DRC9: variants seen among roughly 807,000 people sequenced by gnomAD.
The protein encoded by DRC9 is dynein regulatory complex subunit 9, also known as dynein regulatory complex protein 9.
chr3:197,912,743 T>C, the DRC9 span: 2 of 1,613,366 alleles, frequency 1.2e-6, no homozygotes. Flanking sequence ...GTTTTCATCC[T>C]GAGTTTCTGT....
chr3:197,903,898 T>C, the DRC9 span, among the ~76,000 whole-genome samples: 1 of 151,382 alleles, frequency 6.6e-6, no homozygotes. Flanking sequence ...ATGCTTGAGC[T>C]CGGAGTTCAA....
chr3:197,900,185 C>T, the DRC9 span, among the ~76,000 whole-genome samples: 1 of 152,174 alleles, frequency 6.6e-6, no homozygotes, highest in Non-Finnish European at 1.5e-5. The surrounding 1 kb of genome is among the most constrained non-coding windows in gnomAD (Gnocchi z 4.7). Flanking sequence ...ACTTGAAAGG[C>T]GGTCTAGGCC....
At chr3:197,935,986 G>A in the DRC9 span, among the ~76,000 whole-genome samples, 3 of 151,906 alleles carry the variant, frequency 2.0e-5, no homozygotes, top group East Asian at 3.9e-4. Context: ...GGTGGCTCAC[G>A]TCTGTAATCC....
At chr3:197,930,714 G>A in the DRC9 span, among the ~76,000 whole-genome samples, 1 of 149,642 alleles carries the variant, frequency 6.7e-6, no homozygotes, top group South Asian at 2.1e-4. Flanking sequence ...TGGCCCGGGA[G>A]GCAGAGCGAG....
At chr3:197,930,966 G>A in the DRC9 span, among the ~76,000 whole-genome samples, 757 of 151,402 alleles carry the variant, frequency 5.0e-3, 8 homozygotes, top group African/African-American at 0.017. Context: ...CCCGGGAGGC[G>A]GAGGTTGCAG....
At chr3:197,936,602 A>G in the DRC9 span, among the ~76,000 whole-genome samples, 6 of 152,130 alleles carry the variant, frequency 3.9e-5, no homozygotes, top group Admixed American at 2.0e-4. Flanking sequence ...GGCTCAAGCA[A>G]TCCTCCCACC....
chr3:197,951,309 G>T, the DRC9 span: 15 of 1,613,894 alleles, frequency 9.3e-6, no homozygotes, highest in Admixed American at 2.5e-4. Flanking sequence ...ATAAAGCAAA[G>T]AAGTAAGTTT....
At chr3:197,913,828 G>A in the DRC9 span, 100 of 1,563,324 alleles carry the variant, frequency 6.4e-5, no homozygotes, top group Non-Finnish European at 8.4e-5. Flanking sequence ...GGGATCAGGA[G>A]TGACAGCTCA....
chr3:197,949,885 G>C, the DRC9 span: 1 of 394,170 alleles, frequency 2.5e-6, no homozygotes, highest in Non-Finnish European at 4.5e-6. Flanking sequence ...CTCAGGGTTC[G>C]CCTTTCCACC....
the DRC9 span, among the ~76,000 whole-genome samples, chr3:197,933,578 T>G: frequency 6.6e-6 from 1 of 152,144 alleles, no homozygotes. Flanking sequence ...TAATGAATAT[T>G]TATGTACGTA....
At chr3:197,929,118 G>A in the DRC9 span, among the ~76,000 whole-genome samples, 51 of 152,314 alleles carry the variant, frequency 3.3e-4, no homozygotes, top group Non-Finnish European at 6.3e-4. The surrounding 1 kb of genome is among the most constrained non-coding windows in gnomAD (Gnocchi z 4.6). Flanking sequence ...CACAGCTGGA[G>A]GTGGAGATGA....
At chr3:197,898,719 AACTC>A in the DRC9 span, among the ~76,000 whole-genome samples, 5 of 152,180 alleles carry the variant, frequency 3.3e-5, no homozygotes, top group African/African-American at 9.7e-5. Flanking sequence ...ATCTTGTGAG[AACTC>A]ACTCACTATC....
the DRC9 span, among the ~76,000 whole-genome samples, chr3:197,893,405 G>A: frequency 6.7e-6 from 1 of 148,974 alleles, no homozygotes; most frequent in Non-Finnish European, 1.5e-5. Flanking sequence ...TAATCTAGAT[G>A]TCTGGATAAG....
At chr3:197,894,040 T>C in the DRC9 span, among the ~76,000 whole-genome samples, 6 of 152,216 alleles carry the variant, frequency 3.9e-5, no homozygotes, top group African/African-American at 1.2e-4. Flanking sequence ...CAGTAAAACA[T>C]GTATTTAAGC....
At chr3:197,897,313 C>T in the DRC9 span, among the ~76,000 whole-genome samples, 198 of 152,114 alleles carry the variant, frequency 1.3e-3, no homozygotes, top group African/African-American at 4.3e-3. Context: ...AAATATAAAT[C>T]AATCAAGCCA....
At chr3:197,920,935 T>C in the DRC9 span, among the ~76,000 whole-genome samples, 1 of 152,264 alleles carries the variant, frequency 6.6e-6, no homozygotes, top group Non-Finnish European at 1.5e-5. Context: ...CCTGCCATTC[T>C]TGTTGGCATC....
At chr3:197,913,813 G>T in the DRC9 span, 1 of 1,466,158 alleles carries the variant, frequency 6.8e-7, no homozygotes, top group Non-Finnish European at 9.6e-7. Context: ...TTTGTTAGCT[G>T]AGAGGGGATC....
At chr3:197,951,081 C>T in the DRC9 span, 3 of 1,605,982 alleles carry the variant, frequency 1.9e-6, no homozygotes, top group Non-Finnish European at 2.6e-6. Context: ...CTCTGAGTAA[C>T]TTTTGGGTGG....
chr3:197,932,048 T>A, the DRC9 span: 1 of 1,017,054 alleles, frequency 9.8e-7, no homozygotes. Flanking sequence ...AAACCCAAAT[T>A]CTGACTTCTA....
Sources: allele counts gnomAD v4.1 joint callset (sites outside exome capture counted in the v4.1 genomes callset), GRCh38; gene constraint gnomAD v4.1.1; non-coding constraint Gnocchi (gnomAD v3.1); transcripts MANE v1.5; gene names NCBI Gene and HGNC (gene_info 2026-07-23, HGNC 2026-07-21).